CDK12: variants seen among roughly 807,000 people sequenced by gnomAD.
The protein encoded by CDK12 is cyclin dependent kinase 12.
Under a neutral mutation model 133.8 loss-of-function variants are expected in CDK12, and 17 were observed. The ratio of observed to expected loss-of-function variants is 0.13; its 90% CI spans 0.09 to 0.19. CDK12 has a LOEUF of 0.19. Among genes scored for constraint, CDK12 ranks in the 10% least tolerant of loss-of-function variants. The pLI is 1.00. For synonymous variants in CDK12, 694 were observed against 683.6 expected (o/e 1.02, Z -0.24); for missense variants, 1,508 against 1,818.7 (o/e 0.83, Z 3.11).
Position 39,524,992 on chromosome 17 carries a change from C to T in CDK12, c.3307+107C>T, listed in dbSNP as rs147126975. 299 of 880,222 alleles carry T rather than the reference C, an allele frequency of 3.4e-4. No individual in the cohort carries two copies. In the East Asian group the frequency reaches 5.3e-3, roughly 16 times the overall value. The allele number at this position is 880,222 out of a possible 1,614,324, so 54.5% of individuals were successfully genotyped here. A position where few individuals can be genotyped will look rare whatever the true frequency, so the allele number is the denominator to read the frequency against. On this transcript the variant is annotated intron_variant, in intron 12 of 13. Coordinates refer to ENST00000447079, the MANE Select transcript of CDK12 (RefSeq NM_016507.4). ...TGTGTCTGTTTTTTAGTTTTTGGTC[C>T]AGTGAACCATTAGGAAAGAGGTTAA... is the stretch of plus-strand genomic sequence containing the variant.
At chr17:39,518,388 A>G (rs1460795046) in intron 10 of CDK12, among the ~76,000 whole-genome samples, 1 of 149,662 alleles carries the variant, frequency 6.7e-6, no homozygotes, top group Non-Finnish European at 1.5e-5. Context: ...GCTGGTCTTG[A>G]GCTCCTGGGC....
chr17:39,533,074 T>TAA lies in CDK12; in HGVS notation c.*1769_*1770dup, dbSNP rs11407879. ...ACTTATAAGAGAAAGGTGCATTACT[T>TAA]AAAAAAAAAAAACTTTAAAGAAATG... On this transcript the variant is annotated 3_prime_UTR_variant, in exon 14 of 14. Coordinates refer to ENST00000447079, the MANE Select transcript of CDK12 (RefSeq NM_016507.4). The TAA allele has an allele frequency of 0.038, 7,942 of 206,482 alleles. 22 individuals carry two copies. Among genetic ancestry groups the TAA allele is most frequent in the East Asian group, 0.082 (1,039 of 12,654 alleles). The allele number at this position is 206,482 out of a possible 1,614,324, so 12.8% of individuals were successfully genotyped here. A position where few individuals can be genotyped will look rare whatever the true frequency, so the allele number is the denominator to read the frequency against.
chr17:39,542,546 G>T (rs951210888), intron 1 of CDK12, among the ~76,000 whole-genome samples: 4 of 148,792 alleles, frequency 2.7e-5, no homozygotes, highest in Non-Finnish European at 5.9e-5. Flanking sequence ...TTTCATTCTT[G>T]TTGCCCAGGC....
rs751579730 is a variant in CDK12 at position 39,530,814 on chromosome 17, G to T, written c.3971G>T (p.Arg1324Ile). ...CTGCCACATGAGCACCAGGCCTTGAGACCAATGGAGTACTCCACCCGACCC... is the reference window on the plus strand; with the variant it reads ...CTGCCACATGAGCACCAGGCCTTGATACCAATGGAGTACTCCACCCGACCC... ...GHLPHEHQAL[R>I]PMEYSTRPRP... The change falls in exon 14 of 14, where the codon AGA becomes ATA. Residue 1324 changes from arginine to isoleucine, a missense_variant. This residue lies in a region of CDK12 where 399 missense variants were observed against 469.6 expected (regional missense o/e 0.85). Transcript: ENST00000447079. 6.2e-7 allele frequency: 1 copy of T among 1,614,158 alleles called. No individual in the cohort carries two copies. The highest frequency in any genetic ancestry group is 1.1e-5 in the South Asian group (1 of 91,084).
Position 39,471,151 on chromosome 17 carries a change from C to T in CDK12, c.1319C>T (p.Ser440Leu), listed in dbSNP as rs2145192201. The T allele has an allele frequency of 6.3e-7, 1 of 1,587,208 alleles. No homozygotes were observed. The highest frequency in any genetic ancestry group is 8.5e-7 in the Non-Finnish European group (1 of 1,170,708). The stretch of plus-strand genomic sequence containing the variant: ...AACAGTTCAGTAGAGGCTAAGGATT[C>T]AGGTTTGGAGTCTAAAAAGTTACCC... The part of the protein sequence containing the change: ...KENSSVEAKD[S>L]GLESKKLPRS... The change falls in exon 2 of 14, where the codon TCA becomes TTA. Residue 440 changes from serine to leucine, a missense_variant. Ser to Leu is a moderately radical substitution (Grantham distance 145). Transcript: ENST00000447079.
At chr17:39,539,554 C>T (rs2055311390) in intron 1 of CDK12, among the ~76,000 whole-genome samples, 3 of 152,124 alleles carry the variant, frequency 2.0e-5, no homozygotes, top group Non-Finnish European at 4.4e-5. Flanking sequence ...GCATTAATAT[C>T]ATTAGCAGAG....
At chr17:39,468,848 C>T (rs1167639398) in intron 1 of CDK12, among the ~76,000 whole-genome samples, 1 of 151,082 alleles carries the variant, frequency 6.6e-6, no homozygotes, top group Non-Finnish European at 1.5e-5. Context: ...GATTTTCGCT[C>T]TGTCGCCAGC....
intron 13 of CDK12, among the ~76,000 whole-genome samples, chr17:39,527,048 TCA>T (rs2054537885): frequency 6.6e-6 from 1 of 152,212 alleles, no homozygotes; most frequent in Admixed American, 6.5e-5. Flanking sequence ...TAATTCTGAT[TCA>T]CACTGTATTT....
chr17:39,476,993 C>A (rs1037104368), intron 2 of CDK12, among the ~76,000 whole-genome samples: 1 of 151,084 alleles, frequency 6.6e-6, no homozygotes, highest in Non-Finnish European at 1.5e-5. Flanking sequence ...GAATTACAGG[C>A]GTGAACCACC....
intron 2 of CDK12, among the ~76,000 whole-genome samples, chr17:39,555,209 C>T (rs2056107956): frequency 6.6e-6 from 1 of 152,128 alleles, no homozygotes; most frequent in African/African-American, 2.4e-5. Flanking sequence ...CGCACCACTG[C>T]ACCACTGTAC....
chr17:39,476,036 T>C (rs2050165066), intron 2 of CDK12, among the ~76,000 whole-genome samples: 1 of 152,068 alleles, frequency 6.6e-6, no homozygotes, highest in Non-Finnish European at 1.5e-5. Context: ...ACATAGTGGC[T>C]AGAATATTAA....
chr17:39,507,889 T>C (rs1336099659), intron 6 of CDK12, among the ~76,000 whole-genome samples: 3 of 152,210 alleles, frequency 2.0e-5, no homozygotes, highest in Non-Finnish European at 4.4e-5. Context: ...GGCAAGTGGA[T>C]AAGGTACCTT....
At chr17:39,544,390 T>A (rs2055567690), upstream of CDK12, 2 of 468,892 alleles carry the variant, frequency 4.3e-6, no homozygotes, top group Admixed American at 2.4e-5. Flanking sequence ...CAGAGGTCAC[T>A]GGCCTGCTTT....
intron 2 of CDK12, among the ~76,000 whole-genome samples, chr17:39,479,127 T>G (rs1262506689): frequency 6.6e-6 from 1 of 151,786 alleles, no homozygotes; most frequent in Admixed American, 6.6e-5. Context: ...GCTAACACGA[T>G]GAAACCCCGT....
chr17:39,536,556 A>G (rs1391678237), downstream of CDK12, among the ~76,000 whole-genome samples: 1 of 152,126 alleles, frequency 6.6e-6, no homozygotes, highest in Non-Finnish European at 1.5e-5. Flanking sequence ...CTCTTCTTCC[A>G]TATCCTGAGA....
Position 39,530,792 on chromosome 17 carries a change from C to G in CDK12, c.3949C>G (p.Pro1317Ala), listed in dbSNP as rs753924449. 10 of 1,614,162 alleles carry G rather than the reference C, an allele frequency of 6.2e-6. No homozygotes were observed. Among genetic ancestry groups the G allele is most frequent in the African/African-American group, 2.7e-5 (2 of 75,046 alleles). ...QPEAEPPGHL[P>A]HEHQALRPME... ...TGAAGCAGAGCCTCCTGGCCACCTG[C>G]CACATGAGCACCAGGCCTTGAGACC... Residue 1317 changes from proline (P) to alanine (A), a missense_variant, in exon 14 of 14, where the codon CCA becomes GCA. Pro to Ala is a conservative substitution (Grantham distance 27, BLOSUM62 -1). Transcript: ENST00000447079.
intron 2 of CDK12, among the ~76,000 whole-genome samples, chr17:39,486,999 C>T (rs1436537480): frequency 1.3e-5 from 2 of 152,010 alleles, no homozygotes; most frequent in Non-Finnish European, 2.9e-5. Flanking sequence ...TAGAGGGAGA[C>T]TCCGTCTCAA....
chr17:39,551,257 A>G (rs1415493017), intron 2 of CDK12: 1 of 152,206 alleles, frequency 6.6e-6, no homozygotes, highest in Non-Finnish European at 1.5e-5. Flanking sequence ...TAGGGGAGTC[A>G]TGGACAGGTT....
chr17:39,494,773 CT>C (rs71147348), intron 5 of CDK12, 79 bp downstream of exon 5: 120,130 of 738,446 alleles, frequency 0.16, no homozygotes, highest in South Asian at 0.22. Context: ...TTCTTTCTTT[CT>C]TTTTTTTTTT....
Sources: allele counts gnomAD v4.1 joint callset (sites outside exome capture counted in the v4.1 genomes callset), GRCh38; gene constraint gnomAD v4.1.1; regional missense constraint gnomAD v4.1.1; transcripts MANE v1.5; gene names NCBI Gene and HGNC (gene_info 2026-07-23, HGNC 2026-07-21).